CEP126: variants seen among roughly 807,000 people sequenced by gnomAD.
CEP126 encodes centrosomal protein 126.
In CEP126, 74 loss-of-function variants were observed where a neutral mutation model predicts 107.8. That is an observed-to-expected ratio of 0.69 (90% CI 0.57 to 0.83). The LOEUF is 0.83. Ranked by LOEUF, CEP126 falls within the 40% of genes least tolerant of loss-of-function variation. The probability of loss-of-function intolerance (pLI) is 0.00; values close to 1 mark genes in which losing one functional copy is unlikely to be tolerated. For synonymous variants in CEP126, 449 were observed against 446.0 expected, an observed-to-expected ratio of 1.01 and a Z score of -0.08; for missense variants, 1,237 against 1,281.9, an observed-to-expected ratio of 0.96 and a Z score of 0.53.
intron 8 of CEP126, among the ~76,000 whole-genome samples, chr11:101,982,380 G>A (rs1941266049): frequency 6.6e-6 from 1 of 152,160 alleles, no homozygotes. Context: ...TGTTCTAGTA[G>A]TGTGTGTCCA....
At chr11:101,965,537 T>A (rs1941048050) in intron 6 of CEP126, among the ~76,000 whole-genome samples, 1 of 152,174 alleles carries the variant, frequency 6.6e-6, no homozygotes, top group Non-Finnish European at 1.5e-5. Flanking sequence ...ATCTAGATTT[T>A]AAAAAATTGT....
At chr11:101,917,573 T>A (rs529890090) in intron 1 of CEP126, among the ~76,000 whole-genome samples, 1 of 151,282 alleles carries the variant, frequency 6.6e-6, no homozygotes, top group Admixed American at 6.6e-5. Flanking sequence ...TCTCTTTTTC[T>A]CTTTTGAGAG....
In CEP126 at chr11:101,986,981, C is replaced by T. The variant is rs747902919; in HGVS notation, c.3184C>T (p.Leu1062=). The change falls in exon 9 of 11, where the codon CTG becomes TTG. Residue 1062 remains leucine, a synonymous_variant. Transcript: ENST00000263468. ...NKTQQFNICT[L]SAEEQKILES... ...AACTCAACAATTCAACATCTGCACA[C>T]TGTCAGCTGAAGAACAGAAGATCCT... 12 of 1,613,688 alleles carry T rather than the reference C, an allele frequency of 7.4e-6. No individual in the cohort carries two copies. The highest frequency in any genetic ancestry group is 1.0e-5 in the Non-Finnish European group (12 of 1,179,756).
intron 6 of CEP126, among the ~76,000 whole-genome samples, chr11:101,973,515 A>C (rs554183847): frequency 6.6e-6 from 1 of 152,190 alleles, no homozygotes; most frequent in African/African-American, 2.4e-5. Flanking sequence ...AGAGTCTTGG[A>C]GTGGGGAGGG....
At chr11:101,933,054 C>A (rs1402114466) in intron 2 of CEP126, among the ~76,000 whole-genome samples, 1 of 152,122 alleles carries the variant, frequency 6.6e-6, no homozygotes, top group Non-Finnish European at 1.5e-5. Flanking sequence ...AACAGGACTT[C>A]CAGAAATTAA....
chr11:101,965,716 ATACT>A (rs1355916287), intron 6 of CEP126, among the ~76,000 whole-genome samples: 1 of 152,192 alleles, frequency 6.6e-6, no homozygotes, highest in Admixed American at 6.5e-5. Context: ...GTACTGTTTT[ATACT>A]TACTGTCTCA....
Position 101,915,317 on chromosome 11 carries a change from G to C in CEP126, c.33G>C (p.Ala11=), listed in dbSNP as rs181761204. The change falls in exon 1 of 11, where the codon GCG becomes GCC. Residue 11 remains alanine, a synonymous_variant. Coordinates refer to ENST00000263468, the MANE Select transcript of CEP126 (RefSeq NM_020802.4). MLAGRPGTRS[A]VGELGTESSD... is the part of the protein sequence containing the mutation. ...CGGGGAGGCCCGGAACCCGGAGCGC[G>C]GTCGGGGAACTGGGCACTGAATCAT... 6.2e-7 allele frequency: 1 copy of C among 1,613,868 alleles called. No homozygotes were observed. Among genetic ancestry groups the C allele is most frequent in the East Asian group, 2.2e-5 (1 of 44,874 alleles).
At chr11:101,986,634 T>C (rs1224879604) in intron 8 of CEP126, among the ~76,000 whole-genome samples, 198 bp from the exon 9 acceptor site, 2 of 152,178 alleles carry the variant, frequency 1.3e-5, no homozygotes, top group African/African-American at 2.4e-5. Flanking sequence ...ATATCCTTTT[T>C]TAAAAAACGA....
At chr11:101,957,385 C>A (rs1273872941) in intron 4 of CEP126, among the ~76,000 whole-genome samples, 2 of 152,184 alleles carry the variant, frequency 1.3e-5, no homozygotes, top group East Asian at 3.8e-4. Flanking sequence ...CTATCCTCCC[C>A]CAAAACTCTT....
chr11:101,927,481 A>T (rs1191692320), intron 2 of CEP126, among the ~76,000 whole-genome samples: 1 of 152,122 alleles, frequency 6.6e-6, no homozygotes, highest in African/African-American at 2.4e-5. Context: ...GCATAATAAT[A>T]TGTTTACAGT....
chr11:101,919,870 C>A (rs1940296607), intron 1 of CEP126, among the ~76,000 whole-genome samples: 1 of 152,176 alleles, frequency 6.6e-6, no homozygotes, highest in South Asian at 2.1e-4. Context: ...TCATGTTGGC[C>A]CTGTGCACCC....
chr11:101,936,669 C>A (rs1321883827), intron 2 of CEP126, among the ~76,000 whole-genome samples: 2 of 152,132 alleles, frequency 1.3e-5, no homozygotes, highest in Non-Finnish European at 2.9e-5. Flanking sequence ...TACTATTTCA[C>A]CATTAACTAT....
intron 10 of CEP126, among the ~76,000 whole-genome samples, chr11:101,996,315 A>G (rs755502243): frequency 4.6e-5 from 7 of 152,262 alleles, no homozygotes; most frequent in Middle Eastern, 3.4e-3. Flanking sequence ...GCAAGCTTCA[A>G]TTTGTTTACC....
intron 9 of CEP126, 98 bp downstream of exon 9, chr11:101,987,139 A>T: frequency 2.4e-6 from 2 of 821,110 alleles, no homozygotes; most frequent in Non-Finnish European, 3.8e-6. Flanking sequence ...AAAAATACAA[A>T]ATATATCCAT....
At chr11:101,954,974 T>A (rs2137105125) in intron 4 of CEP126, among the ~76,000 whole-genome samples, 1 of 152,156 alleles carries the variant, frequency 6.6e-6, no homozygotes, top group Middle Eastern at 3.4e-3. Flanking sequence ...AATAAAGTAA[T>A]GCCAAGAAAT....
Position 101,987,043 on chromosome 11 carries a change from T to A in CEP126, c.3244+2T>A. Reference sequence around the variant, plus strand: ...ATGATCTCAGTGAAAGACTACATTGTAAGTATGGAAGAACACCTTTTATAA... The same window carrying A: ...ATGATCTCAGTGAAAGACTACATTGAAAGTATGGAAGAACACCTTTTATAA... On this transcript the variant is annotated splice_donor_variant, in intron 9 of 10. Coordinates refer to ENST00000263468, the MANE Select transcript of CEP126 (RefSeq NM_020802.4). LOFTEE classifies it high-confidence loss of function. 1 of 1,561,036 alleles carries A rather than the reference T, an allele frequency of 6.4e-7. No individual in the cohort carries two copies. The highest frequency in any genetic ancestry group is 8.8e-7 in the Non-Finnish European group (1 of 1,133,268).
chr11:101,915,044 G>T lies in CEP126; in HGVS notation c.-241G>T. On this transcript the variant is annotated 5_prime_UTR_variant, in exon 1 of 11. Transcript: ENST00000263468. ...GTTGTTGTCAAGATGGCGGCTGCAG[G>T]GTTGCTGCCGCCCCATCTGCTATTG... 2.1e-6 allele frequency: 1 copy of T among 474,324 alleles called. No homozygotes were observed. 29.4% of individuals were successfully genotyped at this position (474,324 alleles called of 1,614,324 possible).
At chr11:101,924,413 T>C (rs1422172486) in intron 2 of CEP126, among the ~76,000 whole-genome samples, 3 of 151,702 alleles carry the variant, frequency 2.0e-5, no homozygotes, top group Non-Finnish European at 4.4e-5. Context: ...ACAGAGGATT[T>C]TTTTGTTTTG....
chr11:101,932,966 T>C (rs935838246), intron 2 of CEP126, among the ~76,000 whole-genome samples: 4 of 152,200 alleles, frequency 2.6e-5, no homozygotes, highest in African/African-American at 9.6e-5. Context: ...CTGATTATAT[T>C]TGAAGTTGAC....
Sources: allele counts gnomAD v4.1 joint callset (sites outside exome capture counted in the v4.1 genomes callset), GRCh38; gene constraint gnomAD v4.1.1; transcripts MANE v1.5; gene names NCBI Gene and HGNC (gene_info 2026-07-23, HGNC 2026-07-21).